Variants in IFITM10 observed in about 807,000 individuals in gnomAD.
IFITM10 encodes the protein interferon induced transmembrane protein 10.
In IFITM10, 17 loss-of-function variants were observed where a neutral mutation model predicts 19.0. The ratio of observed to expected loss-of-function variants is 0.90; its 90% CI spans 0.61 to 1.34. The LOEUF (loss-of-function observed/expected upper bound fraction) is 1.34. IFITM10 is among the 40% of genes most tolerant of loss of function. The probability of loss-of-function intolerance (pLI) is 0.00; values close to 1 mark genes in which losing one functional copy is unlikely to be tolerated. For synonymous variants in IFITM10, 148 were observed against 147.2 expected, an observed-to-expected ratio of 1.01 and a Z score of -0.04; for missense variants, 306 against 319.8, an observed-to-expected ratio of 0.96 and a Z score of 0.33.
chr11:1,748,349 C>T (rs909581402), intron 1 of IFITM10: 2 of 410,780 alleles, frequency 4.9e-6, no homozygotes, highest in African/African-American at 2.1e-5. Context: ...CATCACTTCG[C>T]CATCTGCGCA....
intron 2 of IFITM10, among the ~76,000 whole-genome samples, chr11:1,738,535 G>T (rs1369934657): frequency 1.3e-5 from 2 of 152,232 alleles, no homozygotes; most frequent in Non-Finnish European, 2.9e-5. Context: ...GGGGCATCTG[G>T]GTAAGCGGGT....
At chr11:1,748,229 G>A (rs561668204) in intron 1 of IFITM10, 110 bp from the exon 2 acceptor site, 22 of 881,944 alleles carry the variant, frequency 2.5e-5, no homozygotes. Context: ...TCCCTGCGGG[G>A]GCCGCCAGCT....
Position 1,750,443 on chromosome 11 carries a change from C to T in IFITM10, c.-1G>A. 2 of 1,545,776 alleles carry T rather than the reference C, an allele frequency of 1.3e-6. No homozygotes were observed. Among genetic ancestry groups the T allele is most frequent in the Non-Finnish European group, 1.7e-6 (2 of 1,144,180 alleles). ...GCGGCCCCCGTTTTCCCTCCCTCATCTCTCTCCAAGCCCCATCCTCCCATG... is the reference window on the plus strand; with the variant it reads ...GCGGCCCCCGTTTTCCCTCCCTCATTTCTCTCCAAGCCCCATCCTCCCATG... On this transcript the variant is annotated 5_prime_UTR_variant, in exon 1 of 3. Coordinates refer to ENST00000340134, the MANE Select transcript of IFITM10 (RefSeq NM_001170820.4).
At chr11:1,741,307 A>C (rs1299348606) in intron 2 of IFITM10, among the ~76,000 whole-genome samples, 2 of 151,794 alleles carry the variant, frequency 1.3e-5, no homozygotes, top group African/African-American at 4.8e-5. Context: ...GTGGGCCAAG[A>C]AGCAGGGAAG....
In IFITM10 at chr11:1,748,116, G is replaced by A; in HGVS notation, c.88C>T (p.Gln30Ter). ...GGGGCTGGGCACTGGCCGGGGCCCT[G>A]GGCCTGGAGAGGAGAAAGTGAGAGC... The part of the protein sequence containing the change: ...RVEAQWELEA[Q>*]GPGQCPAPLG... Residue 30 changes from glutamine (Q) to a stop codon, truncating the protein, a stop_gained, in exon 2 of 3, where the codon CAG (glutamine) becomes TAG (stop). Coordinates refer to ENST00000340134, the MANE Select transcript of IFITM10 (RefSeq NM_001170820.4). LOFTEE classifies it high-confidence loss of function. 1 of 1,374,810 alleles carries A rather than the reference G, an allele frequency of 7.3e-7. No homozygotes were observed. The highest frequency in any genetic ancestry group is 1.5e-5 in the African/African-American group (1 of 65,634). The allele number at this position is 1,374,810 out of a possible 1,614,324, so 85.2% of individuals were successfully genotyped here. A position where few individuals can be genotyped will look rare whatever the true frequency, so the allele number is the denominator to read the frequency against.
intron 1 of IFITM10, chr11:1,749,290 A>AGGAGGGTG (rs1162567814): frequency 1.2e-5 from 2 of 169,940 alleles, no homozygotes; most frequent in Non-Finnish European, 2.4e-5. Flanking sequence ...TCCTCCTGCC[A>AGGAGGGTG]GGAGGGTGGG....
At position 1,747,934 on chromosome 11, in the gene IFITM10, G is replaced by A. The variant is rs1369875398; in HGVS notation, c.270C>T (p.Ala90=). 2.0e-6 allele frequency: 3 copies of A among 1,478,570 alleles called. No homozygotes were observed. The highest frequency in any genetic ancestry group is 4.8e-5 in the Admixed American group (2 of 42,022). 91.6% of individuals were successfully genotyped at this position (1,478,570 alleles called of 1,614,324 possible). A position where few individuals can be genotyped will look rare whatever the true frequency, so the allele number is the denominator to read the frequency against. The part of the protein sequence containing the change: ...PPALQAPAAP[A]PEPSASPPMA... Reference sequence around the variant, plus strand: ...TCGGGGGAGAGGCCGAGGGCTCAGGGGCAGGGGCCGCCGGAGCCTGCAGGG... The same window carrying A: ...TCGGGGGAGAGGCCGAGGGCTCAGGAGCAGGGGCCGCCGGAGCCTGCAGGG... Residue 90 remains alanine (A), a synonymous_variant, in exon 2 of 3, where the codon GCC becomes GCT. Transcript: ENST00000340134.
chr11:1,735,846 C>T (rs912753601), intron 2 of IFITM10, among the ~76,000 whole-genome samples: 10 of 152,102 alleles, frequency 6.6e-5, no homozygotes, highest in East Asian at 3.8e-4. Flanking sequence ...GAGGATGGGG[C>T]GACACAACTG....
Position 1,747,910 on chromosome 11 carries a change from C to G in IFITM10, c.294G>C (p.Pro98=), listed in dbSNP as rs1017274236. ...APAPEPSASP[P]MAPTLFPMES... ...CCATGGGGAACAGTGTGGGCGCCAT[C>G]GGGGGAGAGGCCGAGGGCTCAGGGG... Residue 98 remains proline (P), a synonymous_variant, in exon 2 of 3, where the codon CCG becomes CCC. Coordinates refer to ENST00000340134, the MANE Select transcript of IFITM10 (RefSeq NM_001170820.4). 4.0e-6 allele frequency: 6 copies of G among 1,497,788 alleles called. No individual in the cohort carries two copies. Among genetic ancestry groups the G allele is most frequent in the Non-Finnish European group, 5.4e-6 (6 of 1,118,830 alleles). 92.8% of individuals were successfully genotyped at this position (1,497,788 alleles called of 1,614,324 possible).
chr11:1,746,063 GCA>G (rs3047259), intron 2 of IFITM10: 24,527 of 152,242 alleles, frequency 0.16, 1,936 homozygotes, highest in Middle Eastern at 0.21. Context: ...CATGTGCCAT[GCA>G]CACTCACGTG....
chr11:1,750,271 C>A, intron 1 of IFITM10, 88 bp downstream of exon 1: 1 of 1,544,306 alleles, frequency 6.5e-7, no homozygotes, highest in East Asian at 2.4e-5. Context: ...GAGTTCCTCC[C>A]CATGGAGAAA....
intron 2 of IFITM10, chr11:1,745,305 C>A (rs1300707056): frequency 1.3e-5 from 2 of 152,402 alleles, no homozygotes; most frequent in Non-Finnish European, 2.9e-5. Context: ...CAGCCAGACC[C>A]ATGTCCGCAG....
chr11:1,747,981 C>A lies in IFITM10; in HGVS notation c.223G>T (p.Ala75Ser). The change falls in exon 2 of 3, where the codon GCT becomes TCT. Residue 75 changes from alanine (A) to serine (S), a missense_variant. Physicochemically the swap from Ala to Ser is moderately conservative, Grantham distance 99. Transcript: ENST00000340134. ...PPAGSPKGCF[A>S]CVSKPPALQA... ...AGGGCAGGGGGCTTGGACACGCAAG[C>A]GAAGCAGCCCTTGGGCGAACCTGCC... 2.1e-6 allele frequency: 3 copies of A among 1,452,366 alleles called. No homozygotes were observed. Among genetic ancestry groups the A allele is most frequent in the South Asian group, 2.9e-5 (2 of 69,814 alleles). 90.0% of individuals were successfully genotyped at this position (1,452,366 alleles called of 1,614,324 possible).
At chr11:1,748,168 A>C (rs2133651190) in intron 1 of IFITM10, 49 bp from the exon 2 acceptor site, 1 of 1,234,830 alleles carries the variant, frequency 8.1e-7, no homozygotes, top group Non-Finnish European at 1.0e-6. Context: ...ACCGGCCAGC[A>C]CCCACCCTCA....
intron 1 of IFITM10, among the ~76,000 whole-genome samples, chr11:1,749,937 C>T (rs1171880099): frequency 1.3e-5 from 2 of 152,126 alleles, no homozygotes; most frequent in African/African-American, 4.8e-5. Flanking sequence ...AGAATGTGGC[C>T]TCTCCTGCGC....
At chr11:1,747,210 C>A (rs994647339) in intron 2 of IFITM10, among the ~76,000 whole-genome samples, 2 of 152,132 alleles carry the variant, frequency 1.3e-5, no homozygotes, top group East Asian at 1.9e-4. Flanking sequence ...GGGTGAGGAG[C>A]TGGATAAGAA....
chr11:1,739,513 G>A (rs1851123231), intron 2 of IFITM10, among the ~76,000 whole-genome samples: 1 of 152,296 alleles, frequency 6.6e-6, no homozygotes, highest in East Asian at 1.9e-4. Flanking sequence ...TTACATTGTA[G>A]GGAGAAGATA....
intron 2 of IFITM10, among the ~76,000 whole-genome samples, chr11:1,741,274 A>G (rs543843001): frequency 5.1e-4 from 78 of 151,988 alleles, no homozygotes; most frequent in East Asian, 7.8e-4. Flanking sequence ...GTCAAAAGCA[A>G]TTAGGAAACG....
chr11:1,738,063 G>A (rs543581327), intron 2 of IFITM10, among the ~76,000 whole-genome samples: 2 of 152,058 alleles, frequency 1.3e-5, no homozygotes, highest in African/African-American at 2.4e-5. Flanking sequence ...TCTAATGATC[G>A]GGAAGGTGGG....
Sources: gnomAD v4.1 joint callset for allele counts (sites outside exome capture counted in the v4.1 genomes callset) on GRCh38, gnomAD v4.1.1 for gene constraint, MANE v1.5 for transcripts, NCBI Gene and HGNC (gene_info 2026-07-23, HGNC 2026-07-21) for gene names.